The following MAPT variants were observed in gnomAD, a reference collection of about 807,000 sequenced individuals.
MAPT encodes the protein microtubule-associated protein tau.
MAPT carries 34 observed loss-of-function variants against 67.9 expected under a neutral mutation model. That is an observed-to-expected ratio of 0.50 (90% CI 0.38 to 0.67). The LOEUF is 0.67. MAPT is among the 30% of genes least tolerant of loss of function. MAPT has a pLI of 0.00. For missense variants in MAPT, 881 were observed against 1,115.2 expected (o/e 0.79, Z 2.99); for synonymous variants, 456 against 464.5 (o/e 0.98, Z 0.23).
chr17:45,901,730 T>C (rs1371885130), intron 1 of MAPT, among the ~76,000 whole-genome samples: 1 of 152,232 alleles, frequency 6.6e-6, no homozygotes, highest in Non-Finnish European at 1.5e-5. Context: ...AATGTGAATT[T>C]GTTCACCCAT....
chr17:45,905,000 T>A (rs1233464568), intron 1 of MAPT, among the ~76,000 whole-genome samples: 1 of 152,126 alleles, frequency 6.6e-6, no homozygotes, highest in Non-Finnish European at 1.5e-5. Context: ...GGAATAGCCA[T>A]TTGGAAGAGT....
intron 8 of MAPT, among the ~76,000 whole-genome samples, chr17:45,993,723 C>T (rs17573175): frequency 2.6e-5 from 4 of 152,126 alleles, no homozygotes; most frequent in Admixed American, 2.6e-4. Flanking sequence ...CCTGAAACAA[C>T]GTGATGCATT....
intron 9 of MAPT, among the ~76,000 whole-genome samples, chr17:46,008,179 C>A (rs1476080249): frequency 6.6e-6 from 1 of 152,232 alleles, no homozygotes; most frequent in Admixed American, 6.5e-5. Flanking sequence ...TCACTGCAAC[C>A]TCCATCTCCC....
intron 1 of MAPT, among the ~76,000 whole-genome samples, chr17:45,953,666 ACT>A (rs1196352134): frequency 2.0e-5 from 3 of 151,812 alleles, no homozygotes; most frequent in African/African-American, 4.8e-5. Context: ...GGTGCATCTG[ACT>A]CTCTCTAGCC....
chr17:45,974,437 G>T (rs749723202), intron 3 of MAPT: 1 of 1,610,146 alleles, frequency 6.2e-7, no homozygotes, highest in South Asian at 1.1e-5. Context: ...AGGCTGCCGC[G>T]CAGCCCCACA....
chr17:45,943,203 A>G (rs1296638965), intron 1 of MAPT, among the ~76,000 whole-genome samples: 1 of 152,160 alleles, frequency 6.6e-6, no homozygotes, highest in Non-Finnish European at 1.5e-5. Context: ...ATAGATGTGC[A>G]CCATCGTGCC....
chr17:46,004,794 G>GT (rs1275994623), intron 9 of MAPT, among the ~76,000 whole-genome samples: 1 of 152,038 alleles, frequency 6.6e-6, no homozygotes, highest in East Asian at 1.9e-4. Context: ...TTGTTTGCTT[G>GT]TTTTTTTGAG....
rs775128934 is a variant in MAPT, at chr17:46,024,193, T to C, written c.*22T>C. 6.2e-7 allele frequency: 1 copy of C among 1,603,056 alleles called. No homozygotes were observed. The highest frequency in any genetic ancestry group is 8.5e-7 in the Non-Finnish European group (1 of 1,170,374). On this transcript the variant is annotated 3_prime_UTR_variant, in exon 13 of 13. Coordinates refer to ENST00000262410, the MANE Select transcript of MAPT (RefSeq NM_001377265.1). The stretch of plus-strand genomic sequence containing the variant: ...GTGATCAGGCCCCTGGGGCGGTCAA[T>C]AATTGTGGAGAGGAGAGAATGAGAG...
chr17:45,941,625 T>C (rs1296435754), intron 1 of MAPT, among the ~76,000 whole-genome samples: 2 of 98,890 alleles, frequency 2.0e-5, no homozygotes, highest in Admixed American at 1.2e-4. Context: ...CCCCCTTCCC[T>C]CCTTCCCTCT....
intron 11 of MAPT, 45 bp from the exon 12 acceptor site, chr17:46,018,573 C>T (rs1437222119): frequency 7.2e-6 from 10 of 1,387,598 alleles, no homozygotes; most frequent in Non-Finnish European, 1.0e-5. Context: ...TCCACAGAAC[C>T]ACAGAAGATG....
chr17:46,023,638 A>G (rs62062297), intron 12 of MAPT, among the ~76,000 whole-genome samples: 21,789 of 152,160 alleles, frequency 0.14, 2,128 homozygotes, highest in Non-Finnish European at 0.22. Context: ...CCAGGAGTTC[A>G]AGACCAGCCT....
chr17:45,978,325 C>A, intron 3 of MAPT, 50 bp from the exon 4 acceptor site: 1 of 1,448,076 alleles, frequency 6.9e-7, no homozygotes, highest in Non-Finnish European at 9.7e-7. Context: ...TTCTAGTAAA[C>A]AATAACTGTC....
At chr17:45,943,714 G>A (rs2068201298) in intron 1 of MAPT, among the ~76,000 whole-genome samples, 1 of 152,118 alleles carries the variant, frequency 6.6e-6, no homozygotes, top group East Asian at 1.9e-4. Flanking sequence ...TGAGACTTCA[G>A]TGCAGAAAGT....
At chr17:45,953,388 A>G (rs1489276928) in intron 1 of MAPT, among the ~76,000 whole-genome samples, 1 of 152,214 alleles carries the variant, frequency 6.6e-6, no homozygotes, top group Non-Finnish European at 1.5e-5. Context: ...CAGCTGACCT[A>G]GCCCAGCCAA....
At chr17:45,932,099 A>G (rs956784476) in intron 1 of MAPT, 2 of 152,066 alleles carry the variant, frequency 1.3e-5, no homozygotes, top group African/African-American at 4.8e-5. Flanking sequence ...AGAAAAAAAA[A>G]AAAGAAACAC....
At chr17:45,981,559 G>A (rs538423220) in intron 4 of MAPT, among the ~76,000 whole-genome samples, 5 of 152,304 alleles carry the variant, frequency 3.3e-5, no homozygotes, top group South Asian at 4.1e-4. Context: ...GGGCTTGTCT[G>A]TGGTCAGTGA....
intron 1 of MAPT, among the ~76,000 whole-genome samples, chr17:45,939,706 A>G (rs918041632): frequency 9.2e-5 from 14 of 152,128 alleles, no homozygotes; most frequent in African/African-American, 3.4e-4. Context: ...CATAACAGAT[A>G]ATCATGTGTG....
chr17:45,985,550 C>A, intron 5 of MAPT: 1 of 314,406 alleles, frequency 3.2e-6, no homozygotes, highest in Non-Finnish European at 4.6e-6. Flanking sequence ...GGCTTTTCTG[C>A]TGCAGGACTT....
At chr17:45,993,694 GA>G (rs1177438641) in intron 8 of MAPT, among the ~76,000 whole-genome samples, 1 of 152,078 alleles carries the variant, frequency 6.6e-6, no homozygotes, top group Non-Finnish European at 1.5e-5. Flanking sequence ...GATTACAGGG[GA>G]CTCACACTTT....
Sources: allele counts gnomAD v4.1 joint callset (sites outside exome capture counted in the v4.1 genomes callset), GRCh38; gene constraint gnomAD v4.1.1; transcripts MANE v1.5; gene names NCBI Gene and HGNC (gene_info 2026-07-23, HGNC 2026-07-21).